Variants in NOS1 observed in about 807,000 individuals in gnomAD.
NOS1 encodes nitric oxide synthase 1, also known as NOS type I.
Under a neutral mutation model 164.5 loss-of-function variants are expected in NOS1, and 51 were observed. That is an observed-to-expected ratio of 0.31 (90% CI 0.25 to 0.39). NOS1 has a LOEUF of 0.39. Ranked by LOEUF, NOS1 falls within the 10% of genes least tolerant of loss-of-function variation. The pLI, the probability that NOS1 is intolerant of heterozygous loss-of-function variation, is 1.00. For synonymous variants in NOS1, 719 were observed against 745.8 expected (o/e 0.96, Z 0.59); for missense variants, 1,362 against 1,885.6 (o/e 0.72, Z 5.14).
intron 3 of NOS1, among the ~76,000 whole-genome samples, chr12:117,295,559 C>T (rs1029905543): frequency 6.6e-6 from 1 of 151,862 alleles, no homozygotes; most frequent in South Asian, 2.1e-4. Context: ...CAGTGGCTGA[C>T]CCCGATCACT....
At chr12:117,221,533 C>T (rs1956705348) in intron 26 of NOS1, among the ~76,000 whole-genome samples, 1 of 152,094 alleles carries the variant, frequency 6.6e-6, no homozygotes, top group Non-Finnish European at 1.5e-5. Flanking sequence ...ATCTGCCCAC[C>T]TTGGCCTCCC....
In NOS1 at chr12:117,359,876, T is replaced by TTATATATATA. The variant is rs56787288; in HGVS notation, c.-421+1626_-421+1635dup. On this transcript the variant is annotated intron_variant, in intron 1 of 28. Transcript: ENST00000317775. The stretch of plus-strand genomic sequence containing the variant: ...GTCCCAGAGCATTACAATAATGGTT[T>TTATATATATA]TATATATATATATATATATATATAT... Among the ~76,000 whole-genome samples the TTATATATATA allele has an allele frequency of 6.5e-4, 24 of 36,950 alleles. 2 individuals are homozygous for TTATATATATA. The highest frequency in any genetic ancestry group is 1.1e-3 in the South Asian group (1 of 896). 24.2% of individuals were successfully genotyped at this position (36,950 alleles called of 152,430 possible).
intron 7 of NOS1, 64 bp downstream of exon 7, chr12:117,285,171 CCAGAGT>C: frequency 1.0e-6 from 1 of 1,003,392 alleles, no homozygotes; most frequent in Non-Finnish European, 1.5e-6. Context: ...TGAGCTGACT[CCAGAGT>C]CAAAGTACAA....
At chr12:117,326,946 GA>G (rs1229511358) in intron 2 of NOS1, among the ~76,000 whole-genome samples, 2 of 152,174 alleles carry the variant, frequency 1.3e-5, no homozygotes, top group Non-Finnish European at 2.9e-5. Flanking sequence ...CCCTGGAGGG[GA>G]AGGACCCAGC....
intron 1 of NOS1, among the ~76,000 whole-genome samples, 193 bp downstream of exon 1, chr12:117,361,319 G>C (rs1041358205): frequency 6.6e-6 from 1 of 150,560 alleles, no homozygotes; most frequent in Non-Finnish European, 1.5e-5. Context: ...AGCCGCGCGC[G>C]TCCCTCCCCT....
intron 1 of NOS1, among the ~76,000 whole-genome samples, chr12:117,345,793 A>G (rs1445468154): frequency 3.3e-5 from 5 of 152,102 alleles, no homozygotes; most frequent in Non-Finnish European, 7.4e-5. Flanking sequence ...CAGGAGGTCG[A>G]GGCTGCAGTG....
intron 3 of NOS1, among the ~76,000 whole-genome samples, chr12:117,295,853 T>C (rs941182254): frequency 1.6e-4 from 24 of 151,758 alleles, no homozygotes; most frequent in African/African-American, 5.8e-4. Flanking sequence ...GGTCTCGAAC[T>C]CCTGACCTCA....
chr12:117,298,532 T>C (rs9658311), intron 3 of NOS1, among the ~76,000 whole-genome samples: 3 of 152,158 alleles, frequency 2.0e-5, no homozygotes, highest in African/African-American at 7.2e-5. Flanking sequence ...TGTCCTAAAC[T>C]GCCTCAGAAT....
chr12:117,353,399 T>C (rs1876720141), intron 1 of NOS1, among the ~76,000 whole-genome samples: 1 of 152,218 alleles, frequency 6.6e-6, no homozygotes, highest in African/African-American at 2.4e-5. Context: ...TGCAGAATCA[T>C]GATGTCTCAG....
chr12:117,320,420 C>T (rs1366815757), intron 2 of NOS1, among the ~76,000 whole-genome samples: 5 of 152,064 alleles, frequency 3.3e-5, no homozygotes, highest in East Asian at 1.9e-4. Flanking sequence ...CTAAAGGATG[C>T]AAGGAATGCA....
intron 2 of NOS1, among the ~76,000 whole-genome samples, chr12:117,327,518 C>T (rs1446102043): frequency 2.6e-5 from 4 of 152,166 alleles, no homozygotes; most frequent in Admixed American, 6.5e-5. Context: ...CCCTGAGGCC[C>T]GGGTTCCAGC....
intron 2 of NOS1, among the ~76,000 whole-genome samples, chr12:117,315,215 AT>A (rs945162398): frequency 3.3e-5 from 5 of 151,014 alleles, no homozygotes; most frequent in African/African-American, 7.3e-5. Flanking sequence ...TTTATTATTT[AT>A]TTTTTTTTAG....
chr12:117,266,017 T>C (rs891915146), intron 11 of NOS1, among the ~76,000 whole-genome samples: 5 of 151,706 alleles, frequency 3.3e-5, no homozygotes, highest in African/African-American at 1.2e-4. Context: ...GCCAGGATGG[T>C]CTCGATCTCC....
At position 117,330,726 on chromosome 12, in the gene NOS1, C is replaced by G; in HGVS notation, c.344G>C (p.Gly115Ala). The change falls in exon 2 of 29, where the codon GGG becomes GCG. Residue 115 changes from glycine to alanine, a missense_variant. Physicochemically the swap from Gly to Ala is moderately conservative, Grantham distance 60. Around this residue, in one of 4 missense-constraint regions of NOS1, gnomAD observed 362 missense variants for 402.0 expected, o/e 0.90. Coordinates refer to ENST00000317775, the MANE Select transcript of NOS1 (RefSeq NM_000620.5). This position sits in a 1 kb window ranked among gnomAD's most constrained non-coding sequence, Gnocchi z 4.6. ...TGTCACCCGGATGGTCTTGGGGGTC[C>G]CATCACCTGTAAAGGTGGTCTCCAG... ...THLETTFTGD[G>A]TPKTIRVTQP... The G allele has an allele frequency of 1.2e-6, 2 of 1,613,956 alleles. No individual in the cohort carries two copies. Among genetic ancestry groups the G allele is most frequent in the Non-Finnish European group, 1.7e-6 (2 of 1,179,932 alleles).
chr12:117,271,263 A>G (rs910589470), intron 10 of NOS1, among the ~76,000 whole-genome samples: 1 of 149,894 alleles, frequency 6.7e-6, no homozygotes, highest in Admixed American at 6.6e-5. Flanking sequence ...TGTTTTCCAC[A>G]GTGATACCGG....
In NOS1 at chr12:117,288,137, G is replaced by A. The variant is rs1167117878; in HGVS notation, c.1064C>T (p.Thr355Ile). Residue 355 changes from threonine to isoleucine, a missense_variant, in exon 5 of 29, where the codon ACA (threonine) becomes ATA (isoleucine). This residue lies in a region of NOS1 where 129 missense variants were observed against 186.0 expected (regional missense o/e 0.69). Transcript: ENST00000317775. ...QHARRPEDVR[T>I]KGQLFPLAKE... ...GGCGAGAGGGAAGAGCTGTCCTTTT[G>A]TGCGGACGTCTTCAGGCCTCCTTGC... The A allele has an allele frequency of 6.2e-7, 1 of 1,614,180 alleles. No homozygotes were observed. Among genetic ancestry groups the A allele is most frequent in the Admixed American group, 1.7e-5 (1 of 60,032 alleles).
At chr12:117,321,888 G>A (rs1158706150) in intron 2 of NOS1, among the ~76,000 whole-genome samples, 1 of 151,818 alleles carries the variant, frequency 6.6e-6, no homozygotes, top group Non-Finnish European at 1.5e-5. Context: ...GAAAGCCATG[G>A]GGGAACAGAA....
Position 117,272,605 on chromosome 12 carries a change from T to C in NOS1, c.1665-46A>G, listed in dbSNP as rs1315743345. On this transcript the variant is annotated intron_variant, in intron 9 of 28. Transcript: ENST00000317775. This position sits in a 1 kb window ranked among gnomAD's most constrained non-coding sequence, Gnocchi z 4.3. The stretch of plus-strand genomic sequence containing the variant: ...CAGCTCACCCGGAGCAGGTGTCTCA[T>C]GGGCGGGACAGCTTGAATCTAGAGA... 6.4e-7 allele frequency: 1 copy of C among 1,571,844 alleles called. No homozygotes were observed. Among genetic ancestry groups the C allele is most frequent in the Non-Finnish European group, 8.7e-7 (1 of 1,153,178 alleles).
At chr12:117,286,623 G>A (rs9658350) in intron 5 of NOS1, among the ~76,000 whole-genome samples, 124,895 of 152,104 alleles carry the variant, frequency 0.82, 51,383 homozygotes, top group African/African-American at 0.88. Flanking sequence ...TGAGTTTTAA[G>A]GGGAACTCTT....
Sources: allele counts gnomAD v4.1 joint callset (sites outside exome capture counted in the v4.1 genomes callset), GRCh38; gene constraint gnomAD v4.1.1; regional missense constraint gnomAD v4.1.1; non-coding constraint Gnocchi (gnomAD v3.1); transcripts MANE v1.5; gene names NCBI Gene and HGNC (gene_info 2026-07-23, HGNC 2026-07-21).